FALEC: variants seen among roughly 807,000 people sequenced by gnomAD.
FALEC encodes focally amplified lncRNA regulator of ECM1.
chr1:150,529,819 G>A, the FALEC span, among the ~76,000 whole-genome samples: 1 of 151,998 alleles, frequency 6.6e-6, no homozygotes, highest in African/African-American at 2.4e-5. Context: ...GGATGGTCTC[G>A]ATCTCCTGAC....
chr1:150,526,144 C>T, the FALEC span, among the ~76,000 whole-genome samples: 1 of 151,810 alleles, frequency 6.6e-6, no homozygotes, highest in East Asian at 1.9e-4. Context: ...GGGCGGATCA[C>T]GAGGTCAGGA....
At chr1:150,516,193 C>G (rs1670566906) in intron 1 of FALEC, 1 of 152,106 alleles carries the variant, frequency 6.6e-6, no homozygotes, top group African/African-American at 2.4e-5. Context: ...GCGGAGGCTG[C>G]AGTAAGATCG....
At chr1:150,520,873 G>A (rs587656137), downstream of FALEC, among the ~76,000 whole-genome samples, 12 of 138,884 alleles carry the variant, frequency 8.6e-5, no homozygotes, top group East Asian at 1.4e-3. Flanking sequence ...GGCTCAGCGC[G>A]ATCTCAGCTC....
the FALEC span, among the ~76,000 whole-genome samples, chr1:150,530,923 C>T: frequency 9.2e-5 from 14 of 152,220 alleles, no homozygotes; most frequent in African/African-American, 3.4e-4. Flanking sequence ...GTGGCATATG[C>T]AGTTCTCAGG....
At chr1:150,529,754 C>T in the FALEC span, among the ~76,000 whole-genome samples, 2 of 152,032 alleles carry the variant, frequency 1.3e-5, no homozygotes, top group South Asian at 2.1e-4. Flanking sequence ...CCTGCCACCA[C>T]GCCCGGCTAA....
the FALEC span, among the ~76,000 whole-genome samples, chr1:150,526,494 C>T: frequency 3.3e-5 from 5 of 151,608 alleles, no homozygotes; most frequent in East Asian, 1.9e-4. Flanking sequence ...CTACTGCACA[C>T]GGCGAGTATG....
the FALEC span, among the ~76,000 whole-genome samples, chr1:150,525,571 A>G: frequency 0.02 from 3,056 of 152,212 alleles, 129 homozygotes; most frequent in African/African-American, 0.07. Context: ...TAAAACTTAA[A>G]TCTGTTGGTT....
chr1:150,527,419 T>C, the FALEC span, among the ~76,000 whole-genome samples: 17 of 151,488 alleles, frequency 1.1e-4, no homozygotes, highest in African/African-American at 3.9e-4. Flanking sequence ...CCACCACGCC[T>C]GGCTAATTTG....
At chr1:150,522,902 T>TAC (rs367563576), downstream of FALEC, among the ~76,000 whole-genome samples, 8,082 of 52,822 alleles carry the variant, frequency 0.15, 1,853 homozygotes, top group Non-Finnish European at 0.24. Context: ...TATATATATA[T>TAC]ACATATATAT....
the FALEC span, among the ~76,000 whole-genome samples, chr1:150,528,058 C>T: frequency 2.6e-5 from 4 of 152,014 alleles, no homozygotes; most frequent in Admixed American, 6.6e-5. Flanking sequence ...TCATGGTAAC[C>T]CTCTTCCTCT....
the FALEC span, among the ~76,000 whole-genome samples, chr1:150,534,114 G>A: frequency 2.6e-5 from 4 of 152,176 alleles, no homozygotes; most frequent in South Asian, 2.1e-4. Flanking sequence ...ACAAACCCAG[G>A]GTCAGATCCT....
the FALEC span, among the ~76,000 whole-genome samples, chr1:150,535,616 G>A: frequency 6.6e-6 from 1 of 152,196 alleles, no homozygotes; most frequent in Non-Finnish European, 1.5e-5. Context: ...GGTGGGCCAG[G>A]CACTGTTCAG....
At chr1:150,523,865 G>A in the FALEC span, among the ~76,000 whole-genome samples, 2 of 152,150 alleles carry the variant, frequency 1.3e-5, no homozygotes, top group African/African-American at 4.8e-5. Flanking sequence ...AATTATCTGC[G>A]CAGACTCTAA....
At chr1:150,523,521 G>A in the FALEC span, among the ~76,000 whole-genome samples, 1 of 151,306 alleles carries the variant, frequency 6.6e-6, no homozygotes, top group Non-Finnish European at 1.5e-5. Flanking sequence ...CATGCATGGT[G>A]TGCATGCCTG....
chr1:150,531,285 G>A, the FALEC span, among the ~76,000 whole-genome samples: 5 of 152,124 alleles, frequency 3.3e-5, no homozygotes, highest in African/African-American at 4.8e-5. Flanking sequence ...ATCCGAGGTC[G>A]GGAGTTAGAG....
chr1:150,534,408 G>A, the FALEC span, among the ~76,000 whole-genome samples: 11 of 152,204 alleles, frequency 7.2e-5, 1 homozygote, highest in African/African-American at 2.7e-4. Context: ...CAACAGGATC[G>A]CTTTGCTCAG....
the FALEC span, among the ~76,000 whole-genome samples, chr1:150,535,256 C>A: frequency 6.6e-6 from 1 of 151,512 alleles, no homozygotes; most frequent in South Asian, 2.1e-4. Context: ...ATTTTTTTTT[C>A]TTTTTGAGAC....
the FALEC span, among the ~76,000 whole-genome samples, chr1:150,527,677 C>T: frequency 6.6e-6 from 1 of 152,072 alleles, no homozygotes; most frequent in Admixed American, 6.6e-5. Context: ...TGGCGAAACC[C>T]CACCTCTACT....
downstream of FALEC, among the ~76,000 whole-genome samples, chr1:150,522,969 A>ATT (rs1560270834): frequency 2.8e-3 from 90 of 32,702 alleles, 10 homozygotes; most frequent in Non-Finnish European, 4.4e-3. Context: ...ATATATATAT[A>ATT]TATATATATA....
Sources: allele counts gnomAD v4.1 joint callset (sites outside exome capture counted in the v4.1 genomes callset), GRCh38; gene constraint gnomAD v4.1.1; transcripts MANE v1.5; gene names NCBI Gene and HGNC (gene_info 2026-07-23, HGNC 2026-07-21).